The following TPST2 variants were observed in gnomAD, a reference collection of about 807,000 sequenced individuals.
The protein encoded by TPST2 is tyrosylprotein sulfotransferase 2.
A neutral mutation model predicts 27.8 loss-of-function variants in TPST2; 16 were observed. That is an observed-to-expected ratio of 0.58 (90% CI 0.39 to 0.88). TPST2 has a LOEUF of 0.88. Among genes scored for constraint, TPST2 ranks in the 40% least tolerant of loss-of-function variants. TPST2 has a pLI of 0.00. For synonymous variants in TPST2, 229 were observed against 231.7 expected, an observed-to-expected ratio of 0.99 and a Z score of 0.10; for missense variants, 464 against 543.1, an observed-to-expected ratio of 0.85 and a Z score of 1.45.
At chr22:26,548,195 T>C (rs1926228909) in intron 1 of TPST2, among the ~76,000 whole-genome samples, 1 of 152,122 alleles carries the variant, frequency 6.6e-6, no homozygotes, top group Admixed American at 6.6e-5. Context: ...GCTCATCGGA[T>C]GTGGGGCATG....
intron 1 of TPST2, among the ~76,000 whole-genome samples, chr22:26,571,711 A>T (rs1927632088): frequency 6.6e-6 from 1 of 152,060 alleles, no homozygotes; most frequent in Non-Finnish European, 1.5e-5. Flanking sequence ...AACACAATCA[A>T]CCTAAACTCC....
chr22:26,528,449 CG>C (rs770851263), intron 5 of TPST2, among the ~76,000 whole-genome samples, 187 bp from the exon 6 acceptor site: 20 of 152,228 alleles, frequency 1.3e-4, no homozygotes, highest in Admixed American at 5.9e-4. Flanking sequence ...CCTAGGATCA[CG>C]GAACTTACGT....
At chr22:26,567,429 A>G (rs1272452901) in intron 1 of TPST2, among the ~76,000 whole-genome samples, 3 of 152,220 alleles carry the variant, frequency 2.0e-5, no homozygotes, top group African/African-American at 7.2e-5. Flanking sequence ...ATGCAAGGCC[A>G]GTTTTGCCCA....
chr22:26,553,117 A>AACC (rs1264475815), intron 1 of TPST2, among the ~76,000 whole-genome samples: 1 of 151,136 alleles, frequency 6.6e-6, no homozygotes. Context: ...CCCTCAGTGC[A>AACC]ACCTGGGCAA....
In TPST2 at chr22:26,541,453, C is replaced by T. The variant is rs536616212; in HGVS notation, c.178G>A (p.Val60Met). ...EELVMVGTNH[V>M]EYRYGKAMPL... The stretch of plus-strand genomic sequence containing the variant: ...ATGGCCTTGCCATAGCGGTATTCCA[C>T]GTGGTTGGTGCCCACCATCACCAGC... The change falls in exon 3 of 7, where the codon GTG (valine) becomes ATG (methionine). Residue 60 changes from valine to methionine, a missense_variant. Val to Met is a conservative substitution (Grantham distance 21). Transcript: ENST00000338754. This position sits in a 1 kb window ranked among gnomAD's most constrained non-coding sequence, Gnocchi z 5.9. 88 of 1,606,020 alleles carry T rather than the reference C, an allele frequency of 5.5e-5. 1 individual carries two copies. Among genetic ancestry groups the T allele is most frequent in the Middle Eastern group, 1.7e-4 (1 of 6,022 alleles).
At chr22:26,531,097 TG>T (rs1163557410) in intron 5 of TPST2, among the ~76,000 whole-genome samples, 2 of 152,196 alleles carry the variant, frequency 1.3e-5, no homozygotes, top group African/African-American at 2.4e-5. Context: ...CTAGCTGACC[TG>T]GGACTGGTTT....
intron 1 of TPST2, among the ~76,000 whole-genome samples, chr22:26,549,284 CAAGT>C (rs1325394500): frequency 6.6e-6 from 1 of 152,160 alleles, no homozygotes; most frequent in Non-Finnish European, 1.5e-5. Context: ...AGCCAAACAA[CAAGT>C]AAGAGGAAAG....
chr22:26,553,241 T>G (rs1926581464), intron 1 of TPST2, among the ~76,000 whole-genome samples: 1 of 151,602 alleles, frequency 6.6e-6, no homozygotes, highest in South Asian at 2.1e-4. Context: ...AAGAGAAAAA[T>G]GTACAATTCG....
intron 1 of TPST2, chr22:26,555,220 A>C (rs1452258347): frequency 1.1e-5 from 6 of 533,488 alleles, no homozygotes; most frequent in South Asian, 8.4e-5. Flanking sequence ...CACTGAACTC[A>C]GCGTTCTAGT....
chr22:26,577,165 T>C (rs1297218343), intron 1 of TPST2, among the ~76,000 whole-genome samples: 1 of 150,536 alleles, frequency 6.6e-6, no homozygotes, highest in Admixed American at 6.6e-5. Flanking sequence ...CCCTGCTACT[T>C]GGGAGGGTGA....
chr22:26,564,369 C>T (rs1927281157), intron 1 of TPST2, among the ~76,000 whole-genome samples: 1 of 152,260 alleles, frequency 6.6e-6, no homozygotes, highest in Non-Finnish European at 1.5e-5. Flanking sequence ...GTGAGCGCCA[C>T]TGGCAAGGCT....
rs771598079 is a variant in TPST2 at position 26,536,368 on chromosome 22, C to T, written c.961G>A (p.Ala321Thr). Residue 321 changes from alanine to threonine, a missense_variant, in exon 4 of 7, where the codon GCT becomes ACT. Coordinates refer to ENST00000338754, the MANE Select transcript of TPST2 (RefSeq NM_003595.5). ...RDMAQIAPML[A>T]QLGYDPYANP... Reference sequence around the variant, plus strand: ...GCATAAGGGTCATAGCCGAGCTGAGCCAGCATGGGGGCGATCTGGGCCATG... The same window carrying T: ...GCATAAGGGTCATAGCCGAGCTGAGTCAGCATGGGGGCGATCTGGGCCATG... 5 of 1,610,164 alleles carry T rather than the reference C, an allele frequency of 3.1e-6. No individual in the cohort carries two copies. In the South Asian group the frequency reaches 5.5e-5, roughly 18 times the overall value.
chr22:26,576,264 C>A (rs1471095696), intron 1 of TPST2, among the ~76,000 whole-genome samples: 1 of 151,494 alleles, frequency 6.6e-6, no homozygotes, highest in African/African-American at 2.4e-5. Context: ...TGGAGCTGGT[C>A]TTCTTGAAAC....
At chr22:26,537,865 G>GT (rs562169948) in intron 3 of TPST2, among the ~76,000 whole-genome samples, 1 of 151,976 alleles carries the variant, frequency 6.6e-6, no homozygotes, top group Non-Finnish European at 1.5e-5. Context: ...AAATACGCTA[G>GT]TTTTTTTTCC....
intron 1 of TPST2, among the ~76,000 whole-genome samples, chr22:26,570,490 T>G (rs543851091): frequency 6.6e-6 from 1 of 152,236 alleles, no homozygotes; most frequent in South Asian, 2.1e-4. Context: ...GGTTTTTCCT[T>G]ATGCGGGGCC....
chr22:26,570,059 G>C (rs1244686443), intron 1 of TPST2, among the ~76,000 whole-genome samples: 1 of 145,972 alleles, frequency 6.9e-6, no homozygotes, highest in Non-Finnish European at 1.5e-5. Flanking sequence ...AAGAAAGAAA[G>C]AAAGAAGGAA....
At chr22:26,570,965 C>A (rs1927602881) in intron 1 of TPST2, among the ~76,000 whole-genome samples, 2 of 152,316 alleles carry the variant, frequency 1.3e-5, no homozygotes, top group South Asian at 4.1e-4. Flanking sequence ...TGGTCCAAGC[C>A]ACCTCATCAC....
At chr22:26,562,609 TTTTTCTTTTC>T (rs71855789) in intron 1 of TPST2, among the ~76,000 whole-genome samples, 4 of 145,356 alleles carry the variant, frequency 2.8e-5, no homozygotes, top group African/African-American at 7.5e-5. Context: ...CTACACTTGC[TTTTTCTTTTC>T]TTTTCTTTTC....
At chr22:26,581,807 G>A (rs1928125327) in intron 1 of TPST2, among the ~76,000 whole-genome samples, 1 of 152,186 alleles carries the variant, frequency 6.6e-6, no homozygotes, top group Non-Finnish European at 1.5e-5. Flanking sequence ...GGACTCAAAA[G>A]ATGATTAGAA....
Sources: allele counts gnomAD v4.1 joint callset (sites outside exome capture counted in the v4.1 genomes callset), GRCh38; gene constraint gnomAD v4.1.1; non-coding constraint Gnocchi (gnomAD v3.1); transcripts MANE v1.5; gene names NCBI Gene and HGNC (gene_info 2026-07-23, HGNC 2026-07-21).